The following SLC24A2 variants were observed in gnomAD, a reference collection of about 807,000 sequenced individuals.
The protein encoded by SLC24A2 is sodium/potassium/calcium exchanger 2.
In SLC24A2, 36 loss-of-function variants were observed where a neutral mutation model predicts 62.0. The ratio of observed to expected loss-of-function variants is 0.58; its 90% CI spans 0.44 to 0.77. The LOEUF (loss-of-function observed/expected upper bound fraction) is 0.77, where lower values mean the gene tolerates loss of function less well. Ranked by LOEUF, SLC24A2 falls within the 30% of genes least tolerant of loss-of-function variation. SLC24A2 has a pLI of 0.00. For synonymous variants in SLC24A2, 358 were observed against 294.0 expected, an observed-to-expected ratio of 1.22 and a Z score of -2.23; for missense variants, 846 against 817.9, an observed-to-expected ratio of 1.03 and a Z score of -0.42.
At chr9:20,066,817 G>C in the SLC24A2 span, among the ~76,000 whole-genome samples, 1 of 152,134 alleles carries the variant, frequency 6.6e-6, no homozygotes, top group Non-Finnish European at 1.5e-5. Flanking sequence ...TGAGTCCCCA[G>C]ATTTCTAAAA....
chr9:20,074,280 T>G, the SLC24A2 span, among the ~76,000 whole-genome samples: 1 of 151,936 alleles, frequency 6.6e-6, no homozygotes, highest in Non-Finnish European at 1.5e-5. Flanking sequence ...CCAGGGAAGC[T>G]TTCATTTTCT....
At chr9:20,131,618 T>G in the SLC24A2 span, among the ~76,000 whole-genome samples, 1 of 152,118 alleles carries the variant, frequency 6.6e-6, no homozygotes, top group Non-Finnish European at 1.5e-5. Context: ...ATAGGAGGCT[T>G]TTGATTATTC....
chr9:20,056,305 CT>C, the SLC24A2 span, among the ~76,000 whole-genome samples: 1 of 152,056 alleles, frequency 6.6e-6, no homozygotes, highest in Non-Finnish European at 1.5e-5. Context: ...CTATAAATGA[CT>C]ATATTTTTCA....
intron 9 of SLC24A2, among the ~76,000 whole-genome samples, chr9:19,521,568 G>A (rs1444610308): frequency 6.6e-6 from 1 of 152,194 alleles, no homozygotes; most frequent in Non-Finnish European, 1.5e-5. Context: ...CTGGAATCTC[G>A]ATTCTGGGTG....
chr9:20,082,133 A>T, the SLC24A2 span, among the ~76,000 whole-genome samples: 1 of 152,202 alleles, frequency 6.6e-6, no homozygotes, highest in Non-Finnish European at 1.5e-5. Flanking sequence ...TCTCTGTTCC[A>T]GTTGACTCAG....
At chr9:20,224,744 C>A in the SLC24A2 span, among the ~76,000 whole-genome samples, 1 of 151,966 alleles carries the variant, frequency 6.6e-6, no homozygotes, top group East Asian at 1.9e-4. Context: ...CAGAATGCAT[C>A]ACCAGTTGGA....
the SLC24A2 span, among the ~76,000 whole-genome samples, chr9:20,253,127 T>C: frequency 3.3e-5 from 5 of 152,198 alleles, no homozygotes; most frequent in Admixed American, 3.3e-4. Flanking sequence ...AAGTCTTGAC[T>C]GTTAGATAGT....
At chr9:19,593,474 G>C (rs978592275) in intron 5 of SLC24A2, among the ~76,000 whole-genome samples, 6 of 152,124 alleles carry the variant, frequency 3.9e-5, no homozygotes, top group Non-Finnish European at 8.8e-5. Context: ...AGGGGGAAAG[G>C]GCTCGGAGGG....
the SLC24A2 span, among the ~76,000 whole-genome samples, chr9:20,248,431 C>G: frequency 6.6e-6 from 1 of 152,196 alleles, no homozygotes; most frequent in Non-Finnish European, 1.5e-5. Flanking sequence ...ATTCCAAAAT[C>G]AAGGCGCCAA....
intron 8 of SLC24A2, among the ~76,000 whole-genome samples, chr9:19,535,972 G>T (rs958882797): frequency 4.6e-5 from 7 of 152,056 alleles, no homozygotes; most frequent in African/African-American, 1.7e-4. Flanking sequence ...TCCTATCCAT[G>T]AGCAGGCATG....
At chr9:20,022,796 C>G in the SLC24A2 span, among the ~76,000 whole-genome samples, 1 of 152,148 alleles carries the variant, frequency 6.6e-6, no homozygotes, top group African/African-American at 2.4e-5. Context: ...CATATGTTCC[C>G]TGGAACAACC....
At chr9:20,236,280 C>G in the SLC24A2 span, among the ~76,000 whole-genome samples, 2 of 152,146 alleles carry the variant, frequency 1.3e-5, no homozygotes, top group Non-Finnish European at 2.9e-5. Context: ...GACAGGTAAG[C>G]AAGCAGCCCT....
At chr9:19,711,694 G>A (rs889488579) in intron 2 of SLC24A2, among the ~76,000 whole-genome samples, 7 of 152,186 alleles carry the variant, frequency 4.6e-5, no homozygotes, top group African/African-American at 7.2e-5. Flanking sequence ...ATCCATGTCC[G>A]CAATTCTGAA....
At chr9:19,831,350 A>T in the SLC24A2 span, among the ~76,000 whole-genome samples, 1 of 152,176 alleles carries the variant, frequency 6.6e-6, no homozygotes, top group Non-Finnish European at 1.5e-5. Flanking sequence ...GTATGAAAAT[A>T]AAGTCCACTG....
chr9:19,915,993 G>T, the SLC24A2 span, among the ~76,000 whole-genome samples: 2 of 151,914 alleles, frequency 1.3e-5, no homozygotes. Flanking sequence ...AGGTCATAAA[G>T]CTATATCACA....
intron 7 of SLC24A2, among the ~76,000 whole-genome samples, chr9:19,570,749 G>A (rs1428843917): frequency 2.0e-5 from 3 of 152,168 alleles, no homozygotes; most frequent in African/African-American, 7.2e-5. Flanking sequence ...CTTCACAGAT[G>A]AGGCAACTAA....
chr9:19,691,472 T>C (rs968839452), intron 2 of SLC24A2, among the ~76,000 whole-genome samples: 19 of 152,142 alleles, frequency 1.2e-4, no homozygotes, highest in African/African-American at 4.6e-4. Flanking sequence ...ACAGTGATGG[T>C]TGTGTTCATT....
chr9:20,045,220 C>G, the SLC24A2 span, among the ~76,000 whole-genome samples: 2 of 152,044 alleles, frequency 1.3e-5, no homozygotes, highest in Non-Finnish European at 2.9e-5. Flanking sequence ...TGCTTGCAGC[C>G]TAGTGGGGAA....
the SLC24A2 span, among the ~76,000 whole-genome samples, chr9:19,910,556 A>C: frequency 6.6e-6 from 1 of 151,962 alleles, no homozygotes. Context: ...CACTGCCTTC[A>C]TCTCCAGCCT....
Sources: gnomAD v4.1 joint callset for allele counts (sites outside exome capture counted in the v4.1 genomes callset) on GRCh38, gnomAD v4.1.1 for gene constraint, MANE v1.5 for transcripts, NCBI Gene and HGNC (gene_info 2026-07-23, HGNC 2026-07-21) for gene names.